The following LARGE1 variants were observed in gnomAD, a reference collection of about 807,000 sequenced individuals.
LARGE1 encodes xylosyl- and glucuronyltransferase LARGE1.
Under a neutral mutation model 87.6 loss-of-function variants are expected in LARGE1, and 43 were observed. That is an observed-to-expected ratio of 0.49 (90% CI 0.38 to 0.63). LARGE1 has a LOEUF of 0.63. LARGE1 is among the 30% of genes least tolerant of loss of function. The pLI, the probability that LARGE1 is intolerant of heterozygous loss-of-function variation, is 0.00. For missense variants in LARGE1, 802 were observed against 1,000.2 expected (o/e 0.80, Z 2.67); for synonymous variants, 434 against 394.6 (o/e 1.10, Z -1.18).
intron 6 of LARGE1, among the ~76,000 whole-genome samples, chr22:33,539,524 C>T (rs2077131661): frequency 6.6e-6 from 1 of 151,986 alleles, no homozygotes; most frequent in Non-Finnish European, 1.5e-5. Flanking sequence ...GCCTACAATG[C>T]AATTTCCTTT....
At chr22:33,393,473 G>A (rs1289646759) in intron 7 of LARGE1, among the ~76,000 whole-genome samples, 1 of 152,230 alleles carries the variant, frequency 6.6e-6, no homozygotes, top group East Asian at 1.9e-4. Flanking sequence ...GTAGAAAGAG[G>A]ATTTTTAAGT....
chr22:33,748,591 G>A (rs1346405018), intron 2 of LARGE1, among the ~76,000 whole-genome samples: 8 of 152,198 alleles, frequency 5.3e-5, no homozygotes, highest in East Asian at 3.9e-4. Flanking sequence ...GTCAATTTGC[G>A]GTAAGAGAGG....
At chr22:33,346,981 G>C (rs1343434999) in intron 9 of LARGE1, among the ~76,000 whole-genome samples, 2 of 152,230 alleles carry the variant, frequency 1.3e-5, no homozygotes, top group African/African-American at 4.8e-5. Context: ...ATCGTAAACA[G>C]AGATGTGATG....
chr22:33,548,540 C>A (rs375583483), intron 6 of LARGE1, among the ~76,000 whole-genome samples: 1 of 152,108 alleles, frequency 6.6e-6, no homozygotes, highest in Non-Finnish European at 1.5e-5. Context: ...CTTAGCCTCC[C>A]GAGTAGCTGG....
At position 33,564,869 on chromosome 22, in the gene LARGE1, C is replaced by A; in HGVS notation, c.766G>T (p.Ala256Ser). 1.9e-6 allele frequency: 3 copies of A among 1,614,182 alleles called. No individual in the cohort carries two copies. The highest frequency in any genetic ancestry group is 2.5e-6 in the Non-Finnish European group (3 of 1,180,026). ...TTACCTTTGAACTTGTGGAACACAG[C>A]CCACAGCTCTGCAATGTCAGTGGCA... ...TFATDIAELW[A>S]VFHKFKGQQV... Residue 256 changes from alanine to serine, a missense_variant, in exon 6 of 15, where the codon GCT becomes TCT. Ala to Ser is a moderately conservative substitution (Grantham distance 99, BLOSUM62 1). Transcript: ENST00000397394.
chr22:33,831,149 G>A (rs1311099361), intron 1 of LARGE1, among the ~76,000 whole-genome samples: 6 of 146,608 alleles, frequency 4.1e-5, no homozygotes, highest in African/African-American at 1.5e-4. Context: ...CTAGCCTGGA[G>A]TGCAGTGGCA....
At chr22:33,907,348 A>T (rs1048110376) in intron 1 of LARGE1, among the ~76,000 whole-genome samples, 1 of 152,214 alleles carries the variant, frequency 6.6e-6, no homozygotes, top group Non-Finnish European at 1.5e-5. Context: ...AAGAGTCTTT[A>T]GGCACTGCTG....
At chr22:33,279,158 T>C (rs1051223273) in intron 13 of LARGE1, among the ~76,000 whole-genome samples, 2 of 152,168 alleles carry the variant, frequency 1.3e-5, no homozygotes, top group Admixed American at 6.6e-5. Flanking sequence ...ATGTGTGAGA[T>C]GGCAATATGC....
intron 6 of LARGE1, among the ~76,000 whole-genome samples, chr22:33,557,121 G>T (rs2077714407): frequency 6.6e-6 from 1 of 152,166 alleles, no homozygotes; most frequent in South Asian, 2.1e-4. Flanking sequence ...CTATGGGGCG[G>T]TTATTAATGT....
chr22:33,067,829 A>T, the LARGE1 span, among the ~76,000 whole-genome samples: 2 of 152,012 alleles, frequency 1.3e-5, no homozygotes, highest in Non-Finnish European at 2.9e-5. Context: ...AAATACAAAA[A>T]ATTAGCCAGG....
intron 2 of LARGE1, among the ~76,000 whole-genome samples, chr22:33,699,388 G>C (rs753220705): frequency 1.3e-5 from 2 of 152,170 alleles, no homozygotes. Context: ...TGTGGGAAGA[G>C]GCAGGAAGAA....
intron 2 of LARGE1, among the ~76,000 whole-genome samples, chr22:33,718,155 T>C (rs2082967969): frequency 6.6e-6 from 1 of 152,232 alleles, no homozygotes; most frequent in Non-Finnish European, 1.5e-5. Flanking sequence ...TACTGTCACC[T>C]GAGGTTCCCT....
intron 1 of LARGE1, among the ~76,000 whole-genome samples, chr22:33,821,107 C>T (rs2086801497): frequency 6.6e-6 from 1 of 152,190 alleles, no homozygotes; most frequent in Admixed American, 6.5e-5. Context: ...CTCTGTCCTC[C>T]CAAGATTCTC....
intron 11 of LARGE1, among the ~76,000 whole-genome samples, chr22:33,264,292 C>T (rs546362971): frequency 2.2e-4 from 34 of 152,348 alleles, no homozygotes; most frequent in African/African-American, 7.5e-4. Flanking sequence ...GATAAAAAGT[C>T]TCATCCTAAT....
Position 33,878,969 on chromosome 22 carries a change from T to C in LARGE1, c.-83+41026A>G, listed in dbSNP as rs1367731749. Among the ~76,000 whole-genome samples the C allele has an allele frequency of 2.1e-4, 6 of 28,062 alleles. No homozygotes were observed. The East Asian group carries it at 8.7e-3, about 41-fold the overall frequency. The allele number at this position is 28,062 out of a possible 152,430, so 18.4% of individuals were successfully genotyped here. A position where few individuals can be genotyped will look rare whatever the true frequency, so the allele number is the denominator to read the frequency against. On this transcript the variant is annotated intron_variant, in intron 1 of 14. Transcript: ENST00000397394. ...ACATTTCTAGTCCCAGTTTCTTTTCTTCTTCTTCTTCTTCCTTTTTTTTTT... is the reference window on the plus strand; with the variant it reads ...ACATTTCTAGTCCCAGTTTCTTTTCCTCTTCTTCTTCTTCCTTTTTTTTTT...
intron 11 of LARGE1, among the ~76,000 whole-genome samples, chr22:33,227,429 C>A (rs1308681357): frequency 2.0e-5 from 3 of 152,096 alleles, no homozygotes; most frequent in South Asian, 2.1e-4. Flanking sequence ...TTCAGAAGTA[C>A]CATGACTCAG....
At chr22:33,320,326 A>C (rs764666480) in intron 10 of LARGE1, among the ~76,000 whole-genome samples, 2 of 144,048 alleles carry the variant, frequency 1.4e-5, no homozygotes, top group Admixed American at 6.9e-5. Flanking sequence ...ACTTCACTCC[A>C]CTCTCCTCCA....
chr22:33,082,950 G>T, the LARGE1 span, among the ~76,000 whole-genome samples: 1 of 152,076 alleles, frequency 6.6e-6, no homozygotes, highest in Non-Finnish European at 1.5e-5. Flanking sequence ...GTGTGAACCC[G>T]GGAGGCGGAG....
At chr22:33,460,561 A>G (rs1156841465) in intron 6 of LARGE1, among the ~76,000 whole-genome samples, 1 of 152,236 alleles carries the variant, frequency 6.6e-6, no homozygotes, top group East Asian at 1.9e-4. Context: ...AGGCAAGAAC[A>G]TAAGGCAGAT....
Sources: gnomAD v4.1 joint callset for allele counts (sites outside exome capture counted in the v4.1 genomes callset) on GRCh38, gnomAD v4.1.1 for gene constraint, MANE v1.5 for transcripts, NCBI Gene and HGNC (gene_info 2026-07-23, HGNC 2026-07-21) for gene names.